The following DOCK2 variants were observed in gnomAD, a reference collection of about 807,000 sequenced individuals.
DOCK2 encodes the protein dedicator of cytokinesis protein 2.
DOCK2 carries 87 observed loss-of-function variants against 248.9 expected under a neutral mutation model. The observed-to-expected ratio is 0.35, with a 90% CI of 0.29 to 0.42. The LOEUF is 0.42. DOCK2 is among the 10% of genes least tolerant of loss of function. DOCK2 has a pLI of 1.00. For synonymous variants in DOCK2, 805 were observed against 821.6 expected (o/e 0.98, Z 0.35); for missense variants, 1,747 against 2,300.2 (o/e 0.76, Z 4.92).
intron 2 of DOCK2, among the ~76,000 whole-genome samples, chr5:169,667,245 A>G (rs1055727881): frequency 6.6e-6 from 1 of 152,058 alleles, no homozygotes; most frequent in Admixed American, 6.5e-5. Flanking sequence ...CCCTATCTCT[A>G]TTTGCACTCT....
chr5:170,079,220 G>A (rs1757942467), intron 49 of DOCK2, 74 bp downstream of exon 49: 1 of 1,537,130 alleles, frequency 6.5e-7, no homozygotes, highest in Non-Finnish European at 8.8e-7. Context: ...CAAAACCCAG[G>A]GCTTCCAGAT....
intron 1 of DOCK2, among the ~76,000 whole-genome samples, chr5:169,649,071 G>A (rs767514758): frequency 6.6e-6 from 1 of 152,252 alleles, no homozygotes; most frequent in African/African-American, 2.4e-5. Flanking sequence ...TACGCATTTC[G>A]ATGAGCGCAT....
At chr5:170,012,844 G>A (rs550069265) in intron 32 of DOCK2, among the ~76,000 whole-genome samples, 24 of 152,180 alleles carry the variant, frequency 1.6e-4, no homozygotes, top group Non-Finnish European at 2.6e-4. Context: ...ATTAACATTC[G>A]TTGTGGGAAA....
chr5:170,030,581 T>C (rs767099169), intron 34 of DOCK2, among the ~76,000 whole-genome samples: 24 of 152,220 alleles, frequency 1.6e-4, no homozygotes, highest in Non-Finnish European at 3.1e-4. Flanking sequence ...TTATACTTAA[T>C]AGTTAAGTGT....
At chr5:169,826,349 A>T (rs772178847) in intron 26 of DOCK2, among the ~76,000 whole-genome samples, 13 of 152,158 alleles carry the variant, frequency 8.5e-5, no homozygotes, top group Non-Finnish European at 1.8e-4. Flanking sequence ...ATATTAGCAG[A>T]TAATCAAAGG....
intron 27 of DOCK2, among the ~76,000 whole-genome samples, chr5:169,848,027 G>A (rs535548554): frequency 6.6e-6 from 1 of 152,270 alleles, no homozygotes; most frequent in African/African-American, 2.4e-5. Context: ...TGCCTTTCCT[G>A]GGGAACAATT....
At chr5:169,989,050 G>T (rs1778145131) in intron 29 of DOCK2, among the ~76,000 whole-genome samples, 1 of 152,082 alleles carries the variant, frequency 6.6e-6, no homozygotes, top group Non-Finnish European at 1.5e-5. Context: ...TAGTTGGCCT[G>T]TTTTTATAAT....
At chr5:169,717,731 C>A (rs1171822776) in intron 21 of DOCK2, among the ~76,000 whole-genome samples, 3 of 152,132 alleles carry the variant, frequency 2.0e-5, no homozygotes, top group Non-Finnish European at 4.4e-5. Flanking sequence ...ATTCAGCTAG[C>A]GTGCTCTCAT....
intron 27 of DOCK2, among the ~76,000 whole-genome samples, chr5:169,933,491 A>G (rs1350907002): frequency 1.3e-5 from 2 of 152,226 alleles, no homozygotes; most frequent in Non-Finnish European, 2.9e-5. Flanking sequence ...AGTCTGCATA[A>G]ATAAATTCAG....
At chr5:169,831,429 G>T (rs1769223813) in intron 26 of DOCK2, among the ~76,000 whole-genome samples, 1 of 152,228 alleles carries the variant, frequency 6.6e-6, no homozygotes. Flanking sequence ...AAGCAGCTGT[G>T]CACACAACTG....
chr5:170,055,888 C>G (rs1208510450), intron 42 of DOCK2, among the ~76,000 whole-genome samples: 1 of 152,234 alleles, frequency 6.6e-6, no homozygotes, highest in African/African-American at 2.4e-5. Flanking sequence ...TGATGTCCAC[C>G]TGTTCTAGAT....
intron 43 of DOCK2, chr5:170,057,163 A>C: frequency 2.8e-6 from 1 of 355,482 alleles, no homozygotes; most frequent in East Asian, 7.4e-5. Context: ...GTGTCCAGCT[A>C]GGATTCAAAC....
At chr5:169,899,146 CT>C (rs1319549173) in intron 27 of DOCK2, among the ~76,000 whole-genome samples, 1 of 152,132 alleles carries the variant, frequency 6.6e-6, no homozygotes, top group Non-Finnish European at 1.5e-5. Flanking sequence ...TGCCAGGCAT[CT>C]AGTAAGAGCT....
chr5:169,996,623 T>A (rs2113798511), intron 30 of DOCK2, among the ~76,000 whole-genome samples: 1 of 152,308 alleles, frequency 6.6e-6, no homozygotes, highest in African/African-American at 2.4e-5. Flanking sequence ...TCTAAGAGAT[T>A]CAGGGTCCTA....
At chr5:169,957,354 T>C (rs1776912324) in intron 27 of DOCK2, among the ~76,000 whole-genome samples, 2 of 152,256 alleles carry the variant, frequency 1.3e-5, no homozygotes, top group African/African-American at 4.8e-5. Flanking sequence ...CAGAATTCAA[T>C]GAGACAAAAT....
chr5:169,677,506 A>G (rs1759401079), intron 6 of DOCK2, among the ~76,000 whole-genome samples: 1 of 152,204 alleles, frequency 6.6e-6, no homozygotes, highest in Non-Finnish European at 1.5e-5. Flanking sequence ...TGTTACATAC[A>G]TGTTTACCCG....
intron 28 of DOCK2, 80 bp downstream of exon 28, chr5:169,983,246 G>A (rs1777986144): frequency 7.1e-7 from 1 of 1,418,426 alleles, no homozygotes; most frequent in South Asian, 1.2e-5. Context: ...AGAGAGACCT[G>A]CCTGTCTATC....
chr5:169,985,943 G>A (rs539288659), intron 29 of DOCK2, 21 bp downstream of exon 29: 26 of 1,594,316 alleles, frequency 1.6e-5, no homozygotes, highest in African/African-American at 1.2e-4. Context: ...ACCTGCTTCC[G>A]CAAAGCTACC....
chr5:169,861,725 A>G (rs1771210088), intron 27 of DOCK2, among the ~76,000 whole-genome samples: 1 of 152,128 alleles, frequency 6.6e-6, no homozygotes, highest in Non-Finnish European at 1.5e-5. Flanking sequence ...CATAGAGACG[A>G]CCATTTTTGT....
Sources: gnomAD v4.1 joint callset for allele counts (sites outside exome capture counted in the v4.1 genomes callset) on GRCh38, gnomAD v4.1.1 for gene constraint, MANE v1.5 for transcripts, NCBI Gene and HGNC (gene_info 2026-07-23, HGNC 2026-07-21) for gene names.